The following FLRT1 variants were observed in gnomAD, a reference collection of about 807,000 sequenced individuals.
FLRT1 encodes the protein leucine-rich repeat transmembrane protein FLRT1.
FLRT1 carries 14 observed loss-of-function variants against 30.9 expected under a neutral mutation model. That is an observed-to-expected ratio of 0.45 (90% CI 0.30 to 0.71). The LOEUF (loss-of-function observed/expected upper bound fraction) is 0.71. Ranked by LOEUF, FLRT1 falls within the 30% of genes least tolerant of loss-of-function variation. The probability of loss-of-function intolerance (pLI) is 0.08; values close to 1 mark genes in which losing one functional copy is unlikely to be tolerated. For missense variants in FLRT1, 737 were observed against 949.2 expected, an observed-to-expected ratio of 0.78 and a Z score of 2.94; for synonymous variants, 368 against 430.4, an observed-to-expected ratio of 0.85 and a Z score of 1.80.
chr11:64,085,657 A>C, intron 1 of FLRT1, among the ~76,000 whole-genome samples: 1 of 152,122 alleles, frequency 6.6e-6, no homozygotes, highest in East Asian at 1.9e-4. Flanking sequence ...GGCTGGGCCT[A>C]CCTGCCTTGG....
chr11:64,073,616 G>C (rs548477113), intron 1 of FLRT1, among the ~76,000 whole-genome samples: 5 of 152,330 alleles, frequency 3.3e-5, no homozygotes, highest in Admixed American at 2.6e-4. Flanking sequence ...GTGCAGGCCA[G>C]AGCCAGCGCT....
rs998718875 is a variant in FLRT1, at chr11:64,082,558, G to A, written c.-1037-20636G>A. Among the ~76,000 whole-genome samples the A allele has an allele frequency of 6.6e-6, 1 of 152,102 alleles. No homozygotes were observed. Among genetic ancestry groups the A allele is most frequent in the African/African-American group, 2.4e-5 (1 of 41,412 alleles). On this transcript the variant is annotated intron_variant, in intron 1 of 2. Transcript: ENST00000682287. This position sits in a 1 kb window ranked among gnomAD's most constrained non-coding sequence, Gnocchi z 4.5. ...GGCCGTGGGAGTCAGAGCTCCAGGC[G>A]GAAGTAGGGTTCAGATTCAGGTGAA... is the stretch of plus-strand genomic sequence containing the variant.
intron 1 of FLRT1, among the ~76,000 whole-genome samples, chr11:64,085,405 G>A (rs1405672474): frequency 1.3e-5 from 2 of 152,234 alleles, no homozygotes. Context: ...TGCCTTCCGG[G>A]GACGGAGGGC....
At chr11:64,065,011 C>T (rs1431255981) in intron 1 of FLRT1, among the ~76,000 whole-genome samples, 1 of 152,176 alleles carries the variant, frequency 6.6e-6, no homozygotes, top group Non-Finnish European at 1.5e-5. Flanking sequence ...AAGCCAGAGG[C>T]GGGCAATGCT....
chr11:64,060,552 C>T (rs1437664733), intron 1 of FLRT1: 1 of 152,170 alleles, frequency 6.6e-6, no homozygotes, highest in East Asian at 1.9e-4. Flanking sequence ...CAGAGCAGGC[C>T]CCAGCCTGGA....
At chr11:64,115,646 G>A (rs569341610) in intron 2 of FLRT1, among the ~76,000 whole-genome samples, 1 of 152,216 alleles carries the variant, frequency 6.6e-6, no homozygotes. Flanking sequence ...TGACAGCTTC[G>A]TTCCCGCAGG....
chr11:64,048,474 A>T (rs1565208848), intron 1 of FLRT1, among the ~76,000 whole-genome samples: 1 of 152,036 alleles, frequency 6.6e-6, no homozygotes, highest in Non-Finnish European at 1.5e-5. Flanking sequence ...GTTGCCAGGG[A>T]CCCAGGAGCC....
chr11:64,053,661 C>G (rs930972477), intron 1 of FLRT1, among the ~76,000 whole-genome samples: 7 of 152,170 alleles, frequency 4.6e-5, no homozygotes, highest in African/African-American at 1.7e-4. Context: ...GCGGGGTCCT[C>G]AGCAGGTGTG....
intron 1 of FLRT1, among the ~76,000 whole-genome samples, chr11:64,091,685 AGCT>A (rs1439790996): frequency 6.6e-6 from 1 of 152,186 alleles, no homozygotes; most frequent in Non-Finnish European, 1.5e-5. Flanking sequence ...CAAGGGGCAC[AGCT>A]GCTGAAGTTG....
In FLRT1 at chr11:64,064,811, C is replaced by T. The variant is rs975107118; in HGVS notation, c.-1038+28652C>T. Among the ~76,000 whole-genome samples the T allele has an allele frequency of 5.3e-5, 8 of 151,962 alleles. No homozygotes were observed. The highest frequency in any genetic ancestry group is 8.8e-5 in the Non-Finnish European group (6 of 67,984). ...GGCTGCCAACTAAAACCTGGGCACCCGGTGGCCAAGAGGCTAGAGTTTCAC... is the reference window on the plus strand; with the variant it reads ...GGCTGCCAACTAAAACCTGGGCACCTGGTGGCCAAGAGGCTAGAGTTTCAC... On this transcript the variant is annotated intron_variant, in intron 1 of 2. Coordinates refer to ENST00000682287, the MANE Select transcript of FLRT1 (RefSeq NM_013280.5). This position sits in a 1 kb window ranked among gnomAD's most constrained non-coding sequence, Gnocchi z 4.5.
At chr11:64,102,546 C>T (rs57239132) in intron 1 of FLRT1, among the ~76,000 whole-genome samples, 46 of 152,284 alleles carry the variant, frequency 3.0e-4, no homozygotes, top group African/African-American at 1.1e-3. Flanking sequence ...GAGCAGGTGC[C>T]GGGGGAATTG....
At chr11:64,070,431 G>A (rs1003940260) in intron 1 of FLRT1, among the ~76,000 whole-genome samples, 12 of 152,180 alleles carry the variant, frequency 7.9e-5, no homozygotes, top group Admixed American at 2.0e-4. Flanking sequence ...AGAGGCCTCC[G>A]GGAGGGACTG....
chr11:64,052,052 T>C (rs1004030776), intron 1 of FLRT1, among the ~76,000 whole-genome samples: 3 of 151,780 alleles, frequency 2.0e-5, no homozygotes, highest in Admixed American at 6.6e-5. Flanking sequence ...GGGGGCATTT[T>C]GGGAAGGAGG....
At chr11:64,045,594 G>A (rs566572056) in intron 1 of FLRT1, among the ~76,000 whole-genome samples, 6 of 152,252 alleles carry the variant, frequency 3.9e-5, no homozygotes, top group African/African-American at 9.6e-5. Context: ...AGGGAGCAGC[G>A]GCGTTCAGCT....
chr11:64,080,804 G>A (rs983529714), intron 1 of FLRT1, among the ~76,000 whole-genome samples: 1 of 152,068 alleles, frequency 6.6e-6, no homozygotes, highest in Non-Finnish European at 1.5e-5. Context: ...CAGTGTCCTC[G>A]GGCTCAGTGA....
chr11:64,079,181 G>C (rs902261441), intron 1 of FLRT1, among the ~76,000 whole-genome samples: 2 of 152,166 alleles, frequency 1.3e-5, no homozygotes, highest in South Asian at 2.1e-4. Context: ...GCTGACGACT[G>C]TGTGTGGGAT....
intron 1 of FLRT1, among the ~76,000 whole-genome samples, chr11:64,037,029 C>T (rs1943395311): frequency 6.6e-6 from 1 of 150,890 alleles, no homozygotes; most frequent in South Asian, 2.1e-4. Context: ...GGGAGGTCTT[C>T]GAGGCCCTCC....
At chr11:64,092,307 C>G (rs563822431) in intron 1 of FLRT1, among the ~76,000 whole-genome samples, 1 of 152,276 alleles carries the variant, frequency 6.6e-6, no homozygotes, top group East Asian at 1.9e-4. Flanking sequence ...CCAGGCAGGC[C>G]AGGGGATGTG....
intron 1 of FLRT1, among the ~76,000 whole-genome samples, chr11:64,052,697 G>A (rs769497961): frequency 2.0e-5 from 3 of 152,198 alleles, no homozygotes; most frequent in South Asian, 2.1e-4. Context: ...AGGAAATGGC[G>A]CTTAGAGAAG....
Sources: allele counts gnomAD v4.1 joint callset (sites outside exome capture counted in the v4.1 genomes callset), GRCh38; gene constraint gnomAD v4.1.1; non-coding constraint Gnocchi (gnomAD v3.1); transcripts MANE v1.5; gene names NCBI Gene and HGNC (gene_info 2026-07-23, HGNC 2026-07-21).